ARHGEF4: variants seen among roughly 807,000 people sequenced by gnomAD.
The protein encoded by ARHGEF4 is APC-stimulated guanine nucleotide exchange factor 1.
In ARHGEF4, 119 loss-of-function variants were observed where a neutral mutation model predicts 162.0. The ratio of observed to expected loss-of-function variants is 0.73; its 90% CI spans 0.63 to 0.86. ARHGEF4 has a LOEUF of 0.86. Ranked by LOEUF, ARHGEF4 falls within the 40% of genes least tolerant of loss-of-function variation. The pLI, the probability that ARHGEF4 is intolerant of heterozygous loss-of-function variation, is 0.00. For synonymous variants in ARHGEF4, 1,014 were observed against 979.9 expected, an observed-to-expected ratio of 1.03 and a Z score of -0.65; for missense variants, 2,488 against 2,456.0, an observed-to-expected ratio of 1.01 and a Z score of -0.28.
chr2:131,044,279 C>T lies in ARHGEF4; in HGVS notation c.5158-20C>T. The T allele has an allele frequency of 1.9e-6, 3 of 1,609,922 alleles. No homozygotes were observed. The highest frequency in any genetic ancestry group is 2.5e-6 in the Non-Finnish European group (3 of 1,178,806). On this transcript the variant is annotated intron_variant, in intron 11 of 13. Transcript: ENST00000409359. ...CAGGGGAGCGGTTCAGCAGCCAGGG[C>T]TGAGGCCAGCATCTGGCAGGACCTG... is the stretch of plus-strand genomic sequence containing the variant.
At chr2:130,894,963 G>A (rs1277585128) in intron 1 of ARHGEF4, among the ~76,000 whole-genome samples, 1 of 152,130 alleles carries the variant, frequency 6.6e-6, no homozygotes, top group East Asian at 1.9e-4. Context: ...TTTACATACA[G>A]CAAAATTCAC....
intron 1 of ARHGEF4, among the ~76,000 whole-genome samples, chr2:130,880,788 A>G (rs62177034): frequency 0.037 from 5,661 of 151,360 alleles, 122 homozygotes; most frequent in Middle Eastern, 0.079. Flanking sequence ...TCCTGCCTCA[A>G]CCTCCCAAAG....
intron 3 of ARHGEF4, 129 bp from the exon 4 acceptor site, chr2:130,946,380 G>C: frequency 8.7e-7 from 1 of 1,148,446 alleles, no homozygotes; most frequent in South Asian, 1.6e-5. Flanking sequence ...CCCTGGAGCT[G>C]TGCATATTTT....
Position 130,894,362 on chromosome 2 carries a change from T to C in ARHGEF4, c.40-19624T>C, listed in dbSNP as rs1011662887. 5.3e-5 allele frequency among the ~76,000 whole-genome samples: 8 copies of C among 152,122 alleles called. No individual in the cohort carries two copies. The East Asian group carries it at 1.5e-3, about 29-fold the overall frequency. ...CTACTGACAGGGGCCCGGGAGAACC[T>C]TTGATTTGAGGTTTCGTCAAGAAGA... On this transcript the variant is annotated intron_variant, in intron 1 of 13. Coordinates refer to ENST00000409359, the MANE Select transcript of ARHGEF4 (RefSeq NM_001367493.1).
chr2:130,845,098 AGGC>A (rs1242855887), intron 1 of ARHGEF4, among the ~76,000 whole-genome samples: 2 of 151,578 alleles, frequency 1.3e-5, no homozygotes, highest in African/African-American at 4.8e-5. Flanking sequence ...CTGGGATTAC[AGGC>A]GTGAGCCACC....
intron 1 of ARHGEF4, among the ~76,000 whole-genome samples, chr2:130,854,129 A>G (rs1681597988): frequency 1.3e-5 from 2 of 152,222 alleles, no homozygotes; most frequent in South Asian, 2.1e-4. Context: ...TAAAAAAATT[A>G]TAGCATACCT....
chr2:130,947,627 A>C (rs924195787), intron 4 of ARHGEF4, among the ~76,000 whole-genome samples: 6 of 152,184 alleles, frequency 3.9e-5, no homozygotes, highest in African/African-American at 1.4e-4. Context: ...CCTTTCTCCA[A>C]ACTATAGCAA....
intron 4 of ARHGEF4, among the ~76,000 whole-genome samples, chr2:130,989,716 G>T (rs532786671): frequency 6.6e-6 from 1 of 152,266 alleles, no homozygotes; most frequent in South Asian, 2.1e-4. Context: ...ATTTCTGCTG[G>T]TATGATTTGT....
chr2:131,010,633 T>C (rs767753872), intron 4 of ARHGEF4, among the ~76,000 whole-genome samples: 10 of 152,232 alleles, frequency 6.6e-5, no homozygotes, highest in Non-Finnish European at 1.0e-4. Flanking sequence ...AATGTCCACA[T>C]TGGTGGTTCC....
At chr2:130,851,818 G>T (rs918041177) in intron 1 of ARHGEF4, among the ~76,000 whole-genome samples, 1 of 152,204 alleles carries the variant, frequency 6.6e-6, no homozygotes, top group African/African-American at 2.4e-5. Flanking sequence ...AGTCTCTCCG[G>T]GCTTGTGTAA....
intron 1 of ARHGEF4, among the ~76,000 whole-genome samples, chr2:130,889,811 C>CACAA (rs1679749097): frequency 1.5e-5 from 1 of 67,672 alleles, no homozygotes; most frequent in Non-Finnish European, 3.0e-5. Flanking sequence ...GACTCCGTCT[C>CACAA]AAAAAAAAAA....
chr2:130,967,128 G>A (rs72994198), intron 4 of ARHGEF4, among the ~76,000 whole-genome samples: 3 of 152,168 alleles, frequency 2.0e-5, no homozygotes, highest in Non-Finnish European at 4.4e-5. Context: ...CTCACAGGGC[G>A]CACAGCAGTA....
intron 3 of ARHGEF4, among the ~76,000 whole-genome samples, chr2:130,943,017 T>C (rs1026537289): frequency 2.0e-5 from 3 of 152,206 alleles, no homozygotes; most frequent in African/African-American, 7.2e-5. Flanking sequence ...TACCTTGTTT[T>C]TGTCTATTTC....
rs570551115 is a variant in ARHGEF4 at position 130,856,196 on chromosome 2, C to T, written c.39+19204C>T. ...ATTGTTAAAGATATGGAAAATATAA[C>T]GACCAAATAGAAATTAACCAAATGA... On this transcript the variant is annotated intron_variant, in intron 1 of 13. Transcript: ENST00000409359. Among the ~76,000 whole-genome samples the T allele has an allele frequency of 2.6e-4, 40 of 152,260 alleles. No individual in the cohort carries two copies. In the South Asian group the frequency reaches 5.6e-3, roughly 21 times the overall value.
intron 12 of ARHGEF4, 135 bp downstream of exon 12, chr2:131,044,677 T>A: frequency 8.2e-7 from 1 of 1,214,424 alleles, no homozygotes; most frequent in African/African-American, 1.5e-5. Context: ...CAGGCACCTC[T>A]AGGTCCCAGT....
intron 1 of ARHGEF4, among the ~76,000 whole-genome samples, chr2:130,845,880 A>G (rs984627153): frequency 1.3e-4 from 20 of 152,224 alleles, no homozygotes; most frequent in African/African-American, 4.3e-4. Flanking sequence ...ATGCGAACCT[A>G]CAGTGACAGA....
chr2:130,887,876 G>A (rs1279985537), intron 1 of ARHGEF4, among the ~76,000 whole-genome samples: 2 of 152,046 alleles, frequency 1.3e-5, no homozygotes, highest in Non-Finnish European at 2.9e-5. Flanking sequence ...TTCATGGGCT[G>A]GGGCCGAATG....
At chr2:130,948,170 G>T (rs1283416117) in intron 4 of ARHGEF4, among the ~76,000 whole-genome samples, 2 of 152,204 alleles carry the variant, frequency 1.3e-5, no homozygotes, top group Non-Finnish European at 2.9e-5. Flanking sequence ...CAGCTCTGAT[G>T]CAGACTCTGA....
intron 4 of ARHGEF4, among the ~76,000 whole-genome samples, chr2:131,002,742 G>T (rs895065746): frequency 2.2e-5 from 3 of 136,188 alleles, no homozygotes; most frequent in South Asian, 2.3e-4. Flanking sequence ...AAAAAAAAAA[G>T]GGTTGTGGGG....
Sources: gnomAD v4.1 joint callset for allele counts (sites outside exome capture counted in the v4.1 genomes callset) on GRCh38, gnomAD v4.1.1 for gene constraint, MANE v1.5 for transcripts, NCBI Gene and HGNC (gene_info 2026-07-23, HGNC 2026-07-21) for gene names.